EIF4EBP1: variants seen among roughly 807,000 people sequenced by gnomAD.
EIF4EBP1 encodes the protein eukaryotic translation initiation factor 4E-binding protein 1.
EIF4EBP1 carries 5 observed loss-of-function variants against 9.2 expected under a neutral mutation model. The ratio of observed to expected loss-of-function variants is 0.54; its 90% CI spans 0.28 to 1.14. The LOEUF (loss-of-function observed/expected upper bound fraction) is 1.14, where lower values mean the gene tolerates loss of function less well. Among genes scored for constraint, EIF4EBP1 ranks in the 50% most tolerant of loss-of-function variants. The pLI is 0.09. For synonymous variants in EIF4EBP1, 62 were observed against 67.0 expected (o/e 0.93, Z 0.36); for missense variants, 139 against 169.6 (o/e 0.82, Z 1.00).
intron 1 of EIF4EBP1, among the ~76,000 whole-genome samples, chr8:38,038,559 T>C (rs189267475): frequency 8.7e-5 from 13 of 148,702 alleles, no homozygotes; most frequent in East Asian, 4.0e-4. Flanking sequence ...TTAGAGTGCA[T>C]TGGCATGATA....
chr8:38,044,926 A>G (rs548029797), intron 1 of EIF4EBP1, among the ~76,000 whole-genome samples: 1 of 152,308 alleles, frequency 6.6e-6, no homozygotes, highest in East Asian at 1.9e-4. Flanking sequence ...AGGGGATGAC[A>G]GATGGCAACG....
rs935828008 is a variant in EIF4EBP1 at position 38,049,255 on chromosome 8, C to T, written c.146-7826C>T. Among the ~76,000 whole-genome samples the T allele has an allele frequency of 2.6e-5, 4 of 152,038 alleles. No homozygotes were observed. The East Asian group carries it at 7.7e-4, about 29-fold the overall frequency. Reference sequence around the variant, plus strand: ...CTGTCAGATTGTGAAGGCGTCAAGGCACCGTTTGCAGGCTTCCAGTCTTGC... The same window carrying T: ...CTGTCAGATTGTGAAGGCGTCAAGGTACCGTTTGCAGGCTTCCAGTCTTGC... On this transcript the variant is annotated intron_variant, in intron 1 of 2. Coordinates refer to ENST00000338825, the MANE Select transcript of EIF4EBP1 (RefSeq NM_004095.4).
intron 1 of EIF4EBP1, among the ~76,000 whole-genome samples, chr8:38,035,402 G>C (rs1249578083): frequency 6.6e-6 from 1 of 151,456 alleles, no homozygotes; most frequent in African/African-American, 2.4e-5. Context: ...ATTTTTATTA[G>C]AGACAGGGTT....
chr8:38,032,152 G>A (rs1398147051), intron 1 of EIF4EBP1, among the ~76,000 whole-genome samples: 1 of 152,092 alleles, frequency 6.6e-6, no homozygotes, highest in Non-Finnish European at 1.5e-5. Context: ...TGAAGGCGCA[G>A]GTAGCCCTTT....
At chr8:38,053,350 G>T (rs892427995) in intron 1 of EIF4EBP1, among the ~76,000 whole-genome samples, 5 of 151,746 alleles carry the variant, frequency 3.3e-5, no homozygotes, top group Admixed American at 2.6e-4. Flanking sequence ...TTGAGACAGG[G>T]TCTTGTTCTG....
chr8:38,043,341 ATTTTC>A (rs750113204), intron 1 of EIF4EBP1, among the ~76,000 whole-genome samples: 24 of 150,324 alleles, frequency 1.6e-4, no homozygotes, highest in Middle Eastern at 3.5e-3. Flanking sequence ...GTCAAAGCCA[ATTTTC>A]TTTTCTTTTC....
chr8:38,035,772 C>T (rs1271175673), intron 1 of EIF4EBP1, among the ~76,000 whole-genome samples: 2 of 151,866 alleles, frequency 1.3e-5, no homozygotes, highest in East Asian at 1.9e-4. Flanking sequence ...TGCAATGGTG[C>T]GATCTCGGCT....
chr8:38,046,805 T>C (rs1189770697), intron 1 of EIF4EBP1, among the ~76,000 whole-genome samples: 3 of 152,216 alleles, frequency 2.0e-5, no homozygotes, highest in Admixed American at 6.5e-5. Flanking sequence ...GAGCTGGGTT[T>C]CCAAAGGATT....
rs866779806 is a variant in EIF4EBP1, at chr8:38,043,101, A to G, written c.145+12383A>G. Among the ~76,000 whole-genome samples the G allele has an allele frequency of 3.3e-5, 5 of 152,256 alleles. No individual in the cohort carries two copies. In the South Asian group the frequency reaches 8.3e-4, roughly 25 times the overall value. The stretch of plus-strand genomic sequence containing the variant: ...AAAAAAAGTTTTTGGGAGAGATGCT[A>G]TTCAACTATTCAGCTCATAACAGGG... On this transcript the variant is annotated intron_variant, in intron 1 of 2. Transcript: ENST00000338825.
intron 2 of EIF4EBP1, among the ~76,000 whole-genome samples, chr8:38,057,461 A>G (rs1809614374): frequency 6.6e-6 from 1 of 152,168 alleles, no homozygotes; most frequent in Non-Finnish European, 1.5e-5. Context: ...TCCCCCTGAA[A>G]GGGGCCCAGG....
In EIF4EBP1 at chr8:38,060,310, C is replaced by T; in HGVS notation, c.*375C>T. 6.2e-6 allele frequency: 2 copies of T among 320,108 alleles called. No individual in the cohort carries two copies. The highest frequency in any genetic ancestry group is 1.2e-5 in the Non-Finnish European group (2 of 170,458). The allele number at this position is 320,108 out of a possible 1,614,324, so 19.8% of individuals were successfully genotyped here. A position where few individuals can be genotyped will look rare whatever the true frequency, so the allele number is the denominator to read the frequency against. On this transcript the variant is annotated 3_prime_UTR_variant, in exon 3 of 3. Coordinates refer to ENST00000338825, the MANE Select transcript of EIF4EBP1 (RefSeq NM_004095.4). The stretch of plus-strand genomic sequence containing the variant: ...AGGTTGATGTGCTTGGGAAAGCTCC[C>T]TCCCCCTCCTTCCCCAAGAGAGGAA...
chr8:38,031,112 G>A (rs554057251), intron 1 of EIF4EBP1, among the ~76,000 whole-genome samples: 1 of 152,270 alleles, frequency 6.6e-6, no homozygotes, highest in South Asian at 2.1e-4. Context: ...TATGGGATGG[G>A]TATTATCTGT....
intron 2 of EIF4EBP1, 87 bp from the exon 3 acceptor site, chr8:38,059,817 G>A: frequency 8.3e-7 from 1 of 1,209,622 alleles, no homozygotes; most frequent in South Asian, 1.3e-5. Context: ...CCAACCTCAG[G>A]TATTTCTTTA....
intron 1 of EIF4EBP1, among the ~76,000 whole-genome samples, chr8:38,031,169 C>T (rs1419263778): frequency 6.6e-6 from 1 of 152,190 alleles, no homozygotes; most frequent in Non-Finnish European, 1.5e-5. Context: ...CCGAAGCACG[C>T]CGAGTTTTGT....
chr8:38,042,843 C>A (rs113985025), intron 1 of EIF4EBP1, among the ~76,000 whole-genome samples: 2 of 152,120 alleles, frequency 1.3e-5, no homozygotes, highest in South Asian at 4.1e-4. Context: ...GCGGGCAGAT[C>A]GCTTGAGGTC....
At chr8:38,035,475 C>A (rs1809286691) in intron 1 of EIF4EBP1, among the ~76,000 whole-genome samples, 1 of 152,108 alleles carries the variant, frequency 6.6e-6, no homozygotes, top group Admixed American at 6.6e-5. Flanking sequence ...GCCTCAGCTT[C>A]CCAAAGTGCT....
At chr8:38,033,730 C>A (rs1238825647) in intron 1 of EIF4EBP1, among the ~76,000 whole-genome samples, 1 of 148,914 alleles carries the variant, frequency 6.7e-6, no homozygotes, top group Non-Finnish European at 1.5e-5. Flanking sequence ...TCCTATGACT[C>A]CAGTTTGCTT....
chr8:38,049,537 A>C (rs1190356515), intron 1 of EIF4EBP1, among the ~76,000 whole-genome samples: 1 of 148,046 alleles, frequency 6.8e-6, no homozygotes, highest in Non-Finnish European at 1.5e-5. Context: ...GCCGGAGTGC[A>C]GTAGCGTGAT....
At chr8:38,055,415 A>C (rs912860406) in intron 1 of EIF4EBP1, among the ~76,000 whole-genome samples, 4 of 152,180 alleles carry the variant, frequency 2.6e-5, no homozygotes, top group African/African-American at 7.2e-5. Context: ...AGTGAAGGAG[A>C]GATTTCAAGG....
Sources: gnomAD v4.1 joint callset for allele counts (sites outside exome capture counted in the v4.1 genomes callset) on GRCh38, gnomAD v4.1.1 for gene constraint, MANE v1.5 for transcripts, NCBI Gene and HGNC (gene_info 2026-07-23, HGNC 2026-07-21) for gene names.